The following CD79A variants were observed in gnomAD, a reference collection of about 807,000 sequenced individuals.
CD79A encodes B-cell antigen receptor complex-associated protein alpha chain.
A neutral mutation model predicts 27.4 loss-of-function variants in CD79A; 16 were observed. That is an observed-to-expected ratio of 0.58 (90% CI 0.40 to 0.89). The LOEUF is 0.89. Among genes scored for constraint, CD79A ranks in the 40% least tolerant of loss-of-function variants. The pLI is 0.00. For missense variants in CD79A, 237 were observed against 299.7 expected (o/e 0.79, Z 1.55); for synonymous variants, 110 against 132.7 (o/e 0.83, Z 1.18).
Position 41,881,018 on chromosome 19 carries a change from C to T in CD79A, c.*38C>T, listed in dbSNP as rs2074221505. 2.5e-6 allele frequency: 3 copies of T among 1,201,610 alleles called. No homozygotes were observed. The highest frequency in any genetic ancestry group is 3.0e-5 in the African/African-American group (2 of 66,926). 74.4% of individuals were successfully genotyped at this position (1,201,610 alleles called of 1,614,324 possible). Reference sequence around the variant, plus strand: ...TGCCAGGCTGCCCCCGCCTGCTGTGCACCCAGCTCCAGTGTCTCAGCTCAC... The same window carrying T: ...TGCCAGGCTGCCCCCGCCTGCTGTGTACCCAGCTCCAGTGTCTCAGCTCAC... On this transcript the variant is annotated 3_prime_UTR_variant, in exon 5 of 5. Transcript: ENST00000221972.
At position 41,881,340 on chromosome 19, in the gene CD79A, C is replaced by T. The variant is rs1402407538; in HGVS notation, c.*360C>T. ...CCCCCTCCTCCCTGATCTGTCAGGG[C>T]CACTTAGTGATAATAAATTCTTCCC... On this transcript the variant is annotated 3_prime_UTR_variant, in exon 5 of 5. Coordinates refer to ENST00000221972, the MANE Select transcript of CD79A (RefSeq NM_001783.4). The T allele has an allele frequency of 9.4e-6, 4 of 426,642 alleles. No homozygotes were observed. The highest frequency in any genetic ancestry group is 7.8e-5 in the African/African-American group (4 of 51,138). 26.4% of individuals were successfully genotyped at this position (426,642 alleles called of 1,614,324 possible). A position where few individuals can be genotyped will look rare whatever the true frequency, so the allele number is the denominator to read the frequency against.
chr19:41,880,810 G>T, intron 4 of CD79A, 57 bp from the exon 5 acceptor site: 1 of 1,516,578 alleles, frequency 6.6e-7, no homozygotes, highest in East Asian at 2.4e-5. Context: ...GGGGTGGCTG[G>T]GGGCAGGGAC....
rs782752627 is a variant in CD79A, at chr19:41,879,213, G to A, written c.303G>A (p.Gly101=). 11 of 1,613,786 alleles carry A rather than the reference G, an allele frequency of 6.8e-6. No homozygotes were observed. The African/African-American group carries it at 1.5e-4, about 22-fold the overall frequency. The change falls in exon 2 of 5, where the codon GGG becomes GGA. Residue 101 remains glycine, a synonymous_variant. Transcript: ENST00000221972. The surrounding 1 kb of genome is among the most constrained non-coding windows in gnomAD (Gnocchi z 5.1). ...LIIQNVNKSH[G]GIYVCRVQEG... ...TCCAGAATGTGAACAAGAGCCATGG[G>A]GGCATATACGTGTGCCGGGTCCAGG... is the stretch of plus-strand genomic sequence containing the variant.
At position 41,879,903 on chromosome 19, in the gene CD79A, G is replaced by A. The variant is rs1266491942; in HGVS notation, c.498+250G>A. Among the ~76,000 whole-genome samples the A allele has an allele frequency of 6.6e-6, 1 of 152,104 alleles. No homozygotes were observed. Among genetic ancestry groups the A allele is most frequent in the African/African-American group, 2.4e-5 (1 of 41,410 alleles). ...TGTCCTCACGTCCACCTCCCCCCAAGAAGAGTCTCATTCTTCTCCCTAAGA... is the reference window on the plus strand; with the variant it reads ...TGTCCTCACGTCCACCTCCCCCCAAAAAGAGTCTCATTCTTCTCCCTAAGA... On this transcript the variant is annotated intron_variant, in intron 3 of 4. Coordinates refer to ENST00000221972, the MANE Select transcript of CD79A (RefSeq NM_001783.4). This position sits in a 1 kb window ranked among gnomAD's most constrained non-coding sequence, Gnocchi z 5.1.
Position 41,879,434 on chromosome 19 carries a change from G to T in CD79A, c.380-101G>T, listed in dbSNP as rs1470358103. 1.3e-5 allele frequency: 15 copies of T among 1,195,420 alleles called. No homozygotes were observed. The highest frequency in any genetic ancestry group is 2.0e-5 in the Admixed American group (1 of 50,952). The allele number at this position is 1,195,420 out of a possible 1,614,324, so 74.1% of individuals were successfully genotyped here. ...GACGGACATTCTCCTCTGCAGAGTG[G>T]GGTCTCTGGGGGGTCTGGGGCCTTG... is the stretch of plus-strand genomic sequence containing the variant. On this transcript the variant is annotated intron_variant, in intron 2 of 4. Transcript: ENST00000221972. The surrounding 1 kb of genome is among the most constrained non-coding windows in gnomAD (Gnocchi z 5.1).
At chr19:41,880,765 G>T in intron 4 of CD79A, 27 bp downstream of exon 4, 1 of 1,532,326 alleles carries the variant, frequency 6.5e-7, no homozygotes, top group South Asian at 1.2e-5. Context: ...GATGGGGTAG[G>T]GGCAGTTGTG....
Position 41,880,764 on chromosome 19 carries a change from G to A in CD79A, c.567+26G>A, listed in dbSNP as rs1278767616. ...GTGAGTGAAGGGTGGGGATGGGGTA[G>A]GGGCAGTTGTGTTAGGGGTGGGGGT... On this transcript the variant is annotated intron_variant, in intron 4 of 4. Coordinates refer to ENST00000221972, the MANE Select transcript of CD79A (RefSeq NM_001783.4). The A allele has an allele frequency of 2.0e-6, 3 of 1,534,272 alleles. No individual in the cohort carries two copies. The Admixed American group carries it at 5.9e-5, about 30-fold the overall frequency.
At position 41,878,978 on chromosome 19, in the gene CD79A, G is replaced by C. The variant is rs1555843439; in HGVS notation, c.80-12G>C. ...CCCCAGTCCCTGACCCACCCACCCT[G>C]TCTCTCCACAGGCCCTGGGTGCCAG... On this transcript the variant is annotated splice_polypyrimidine_tract_variant and intron_variant, in intron 1 of 4. Transcript: ENST00000221972. This position sits in a 1 kb window ranked among gnomAD's most constrained non-coding sequence, Gnocchi z 4.3. 2.4e-6 allele frequency: 3 copies of C among 1,264,050 alleles called. No individual in the cohort carries two copies. The South Asian group carries it at 3.5e-5, about 15-fold the overall frequency. The allele number at this position is 1,264,050 out of a possible 1,614,324, so 78.3% of individuals were successfully genotyped here. A position where few individuals can be genotyped will look rare whatever the true frequency, so the allele number is the denominator to read the frequency against.
chr19:41,880,645 G>GCGGGGGGCCCC, intron 3 of CD79A, 25 bp from the exon 4 acceptor site: 1 of 1,134,300 alleles, frequency 8.8e-7, no homozygotes, highest in Non-Finnish European at 1.3e-6. Context: ...GCTCACTGAG[G>GCGGGGGGCCCC]CACCCACCCC....
rs1183814136 is a variant in CD79A, at chr19:41,877,965, C to G, written c.79+582C>G. ...TTGGAGTTCACGTCTGAGTCTTAAG[C>G]CCGTGACGATGAGGGTGCTCGGCCC... is the stretch of plus-strand genomic sequence containing the variant. On this transcript the variant is annotated intron_variant, in intron 1 of 4. Transcript: ENST00000221972. This position sits in a 1 kb window ranked among gnomAD's most constrained non-coding sequence, Gnocchi z 4.1. 1.3e-5 allele frequency among the ~76,000 whole-genome samples: 2 copies of G among 152,168 alleles called. No homozygotes were observed. The highest frequency in any genetic ancestry group is 2.9e-5 in the Non-Finnish European group (2 of 68,026).
chr19:41,879,560 C>G lies in CD79A; in HGVS notation c.405C>G (p.Asp135Glu). 1 of 1,610,718 alleles carries G rather than the reference C, an allele frequency of 6.2e-7. No individual in the cohort carries two copies. The highest frequency in any genetic ancestry group is 2.2e-5 in the East Asian group (1 of 44,818). The change falls in exon 3 of 5, where the codon GAC becomes GAG. Residue 135 changes from aspartate to glutamate, a missense_variant. Asp to Glu is a conservative substitution (Grantham distance 45, BLOSUM62 2). Coordinates refer to ENST00000221972, the MANE Select transcript of CD79A (RefSeq NM_001783.4). This position sits in a 1 kb window ranked among gnomAD's most constrained non-coding sequence, Gnocchi z 5.1. Reference protein sequence around the residue: ...VRQPPPRPFLDMGEGTKNRII... With the variant: ...VRQPPPRPFLEMGEGTKNRII... Reference sequence around the variant, plus strand: ...AGCCGCCCCCCAGGCCCTTCCTGGACATGGGGGAGGGCACCAAGAACCGAA... The same window carrying G: ...AGCCGCCCCCCAGGCCCTTCCTGGAGATGGGGGAGGGCACCAAGAACCGAA...
chr19:41,881,101 A>AG lies in CD79A; in HGVS notation c.*122dup. The AG allele has an allele frequency of 1.4e-6, 1 of 737,888 alleles. No individual in the cohort carries two copies. The highest frequency in any genetic ancestry group is 2.4e-6 in the Non-Finnish European group (1 of 420,448). 45.7% of individuals were successfully genotyped at this position (737,888 alleles called of 1,614,324 possible). Reference sequence around the variant, plus strand: ...GGGGCTTCCTTAGTCATATTCCCCCAGTGGGGGGTGGGAGGGTAACCTCAC... The same window carrying AG: ...GGGGCTTCCTTAGTCATATTCCCCCAGGTGGGGGGTGGGAGGGTAACCTCAC... On this transcript the variant is annotated 3_prime_UTR_variant, in exon 5 of 5. Transcript: ENST00000221972.
At chr19:41,880,556 C>A in intron 3 of CD79A, 114 bp from the exon 4 acceptor site, 1 of 756,538 alleles carries the variant, frequency 1.3e-6, no homozygotes, top group Non-Finnish European at 2.4e-6. Flanking sequence ...CAGTATGTGG[C>A]CTTGGGGACA....
In CD79A at chr19:41,880,863, C is replaced by G; in HGVS notation, c.568-4C>G. 1 of 1,594,810 alleles carries G rather than the reference C, an allele frequency of 6.3e-7. No individual in the cohort carries two copies. The highest frequency in any genetic ancestry group is 8.5e-7 in the Non-Finnish European group (1 of 1,170,158). ...TGATGTTCGCTGCCTCATTTCCATC[C>G]CAGGGCCTGAACCTGGACGACTGCT... On this transcript the variant is annotated splice_polypyrimidine_tract_variant and splice_region_variant and intron_variant, in intron 4 of 4. Coordinates refer to ENST00000221972, the MANE Select transcript of CD79A (RefSeq NM_001783.4).
In CD79A at chr19:41,879,123, T is replaced by C; in HGVS notation, c.213T>C (p.His71=). The change falls in exon 2 of 5, where the codon CAT becomes CAC. Residue 71 remains histidine, a synonymous_variant. Transcript: ENST00000221972. The surrounding 1 kb of genome is among the most constrained non-coding windows in gnomAD (Gnocchi z 5.1). ...ACGTCACCTGGTGGCGCGTCCTCCA[T>C]GGCAACTACACGTGGCCCCCTGAGT... ...NANVTWWRVL[H]GNYTWPPEFL... is the part of the protein sequence containing the mutation. The C allele has an allele frequency of 1.2e-6, 2 of 1,614,090 alleles. No individual in the cohort carries two copies. Among genetic ancestry groups the C allele is most frequent in the East Asian group, 2.2e-5 (1 of 44,884 alleles).
chr19:41,881,136 G>A lies in CD79A; in HGVS notation c.*156G>A, dbSNP rs371325859. The A allele has an allele frequency of 3.0e-4, 208 of 688,096 alleles. No homozygotes were observed. The African/African-American group carries it at 3.4e-3, about 11-fold the overall frequency. 42.6% of individuals were successfully genotyped at this position (688,096 alleles called of 1,614,324 possible). A position where few individuals can be genotyped will look rare whatever the true frequency, so the allele number is the denominator to read the frequency against. On this transcript the variant is annotated 3_prime_UTR_variant, in exon 5 of 5. Transcript: ENST00000221972. ...GGGAGGGTAACCTCACTCTTCTCCA[G>A]GCCAGGCCTCCTTGGACTCCCCTGG...
Position 41,881,367 on chromosome 19 carries a change from A to C in CD79A, c.*387A>C. 1.1e-5 allele frequency: 4 copies of C among 376,738 alleles called. No individual in the cohort carries two copies. The highest frequency in any genetic ancestry group is 3.2e-5 in the South Asian group (1 of 31,472). The allele number at this position is 376,738 out of a possible 1,614,324, so 23.3% of individuals were successfully genotyped here. A position where few individuals can be genotyped will look rare whatever the true frequency, so the allele number is the denominator to read the frequency against. On this transcript the variant is annotated 3_prime_UTR_variant, in exon 5 of 5. Transcript: ENST00000221972. ...ACTTAGTGATAATAAATTCTTCCCA[A>C]CTGCAGACCTTGGCAGGAGTCGTGG... is the stretch of plus-strand genomic sequence containing the variant.
chr19:41,880,820 C>T (rs781954955), intron 4 of CD79A, 47 bp from the exon 5 acceptor site: 3 of 1,523,466 alleles, frequency 2.0e-6, no homozygotes, highest in African/African-American at 2.7e-5. Context: ...GGGGCAGGGA[C>T]CCCAGGTGTC....
chr19:41,878,364 T>A lies in CD79A; in HGVS notation c.80-626T>A, dbSNP rs1415313773. Reference sequence around the variant, plus strand: ...GCCAAGAGTTTGAACCCAGTGCCACTCCTGACTGCCTGGTGATGCTGGCAA... The same window carrying A: ...GCCAAGAGTTTGAACCCAGTGCCACACCTGACTGCCTGGTGATGCTGGCAA... On this transcript the variant is annotated intron_variant, in intron 1 of 4. Coordinates refer to ENST00000221972, the MANE Select transcript of CD79A (RefSeq NM_001783.4). This position sits in a 1 kb window ranked among gnomAD's most constrained non-coding sequence, Gnocchi z 4.3. Among the ~76,000 whole-genome samples the A allele has an allele frequency of 1.3e-5, 2 of 152,134 alleles. No homozygotes were observed. Among genetic ancestry groups the A allele is most frequent in the Non-Finnish European group, 2.9e-5 (2 of 68,012 alleles).
Sources: allele counts gnomAD v4.1 joint callset (sites outside exome capture counted in the v4.1 genomes callset), GRCh38; gene constraint gnomAD v4.1.1; non-coding constraint Gnocchi (gnomAD v3.1); transcripts MANE v1.5; gene names NCBI Gene and HGNC (gene_info 2026-07-23, HGNC 2026-07-21).